The following RPRD1A variants were observed in gnomAD, a reference collection of about 807,000 sequenced individuals.
The protein encoded by RPRD1A is regulation of nuclear pre-mRNA domain containing 1A.
A neutral mutation model predicts 37.8 loss-of-function variants in RPRD1A; 9 were observed. The ratio of observed to expected loss-of-function variants is 0.24; its 90% CI spans 0.14 to 0.42. The LOEUF (loss-of-function observed/expected upper bound fraction) is 0.42, where lower values mean the gene tolerates loss of function less well. Among genes scored for constraint, RPRD1A ranks in the 10% least tolerant of loss-of-function variants. RPRD1A has a pLI of 1.00. For missense variants in RPRD1A, 255 were observed against 371.0 expected, an observed-to-expected ratio of 0.69 and a Z score of 2.57; for synonymous variants, 138 against 139.7, an observed-to-expected ratio of 0.99 and a Z score of 0.08.
At chr18:36,060,845 T>G (rs1226665721) in intron 1 of RPRD1A, among the ~76,000 whole-genome samples, 1 of 151,780 alleles carries the variant, frequency 6.6e-6, no homozygotes, top group Non-Finnish European at 1.5e-5. Context: ...CTAGAAAAAA[T>G]AAGCCCAGCA....
intron 5 of RPRD1A, 29 bp from the exon 6 acceptor site, chr18:36,027,104 T>A (rs759523706): frequency 6.8e-6 from 11 of 1,612,190 alleles, no homozygotes; most frequent in Middle Eastern, 1.6e-4. Context: ...AATAAAATAT[T>A]ATACAACAAA....
At chr18:36,045,650 A>T (rs965262890) in intron 1 of RPRD1A, among the ~76,000 whole-genome samples, 1 of 152,250 alleles carries the variant, frequency 6.6e-6, no homozygotes, top group Non-Finnish European at 1.5e-5. Context: ...AGACTGAAAG[A>T]ATTAGACATT....
intron 1 of RPRD1A, among the ~76,000 whole-genome samples, chr18:36,062,152 C>T (rs933538853): frequency 1.3e-5 from 2 of 150,582 alleles, no homozygotes; most frequent in Admixed American, 6.6e-5. Flanking sequence ...CCCGTCTCTA[C>T]TAAAAATACA....
At position 36,005,067 on chromosome 18, in the gene RPRD1A, C is replaced by T. The variant is rs138101237; in HGVS notation, c.790-11767G>A. 2.7e-4 allele frequency among the ~76,000 whole-genome samples: 41 copies of T among 152,250 alleles called. No homozygotes were observed. In the East Asian group the frequency reaches 7.9e-3, roughly 29 times the overall value. ...CTGTAATCCCAGCGTTTTGGGAGGC[C>T]GAGGCGGGTGGATCACGAGGTCAGG... On this transcript the variant is annotated intron_variant, in intron 6 of 6. Transcript: ENST00000399022.
In RPRD1A at chr18:36,026,998, C is replaced by T. The variant is rs1486201477; in HGVS notation, c.691G>A (p.Ala231Thr). ...TGCTTTCTATCATCTATTTCTGCCG[C>T]CAATCTGCCATTGTAATCTGCCAGC... ...MLLADYNGRL[A>T]AEIDDRKQLT... is the part of the protein sequence containing the mutation. The change falls in exon 6 of 7, where the codon GCG becomes ACG. Residue 231 changes from alanine (A) to threonine (T), a missense_variant. By Grantham distance (58) the Ala-to-Thr change is moderately conservative. Coordinates refer to ENST00000399022, the MANE Select transcript of RPRD1A (RefSeq NM_018170.5). 6.2e-7 allele frequency: 1 copy of T among 1,614,004 alleles called. No homozygotes were observed. Among genetic ancestry groups the T allele is most frequent in the African/African-American group, 1.3e-5 (1 of 75,038 alleles).
chr18:36,065,149 A>C (rs2089002765), intron 1 of RPRD1A, among the ~76,000 whole-genome samples: 1 of 152,224 alleles, frequency 6.6e-6, no homozygotes, highest in African/African-American at 2.4e-5. Context: ...AGTCAGCGAG[A>C]CCAAGAACCC....
At chr18:36,049,275 T>C (rs530775126) in intron 1 of RPRD1A, among the ~76,000 whole-genome samples, 7 of 152,328 alleles carry the variant, frequency 4.6e-5, no homozygotes, top group South Asian at 2.1e-4. Flanking sequence ...TTTAACAAAA[T>C]TGGCCATTTT....
At chr18:36,018,229 CAAGT>C (rs780137559) in intron 6 of RPRD1A, among the ~76,000 whole-genome samples, 44 of 151,476 alleles carry the variant, frequency 2.9e-4, no homozygotes, top group African/African-American at 8.5e-4. Context: ...GATTTAGCTA[CAAGT>C]AAGTTACCAA....
chr18:36,015,854 C>A (rs1203101152), intron 6 of RPRD1A, among the ~76,000 whole-genome samples: 5 of 152,134 alleles, frequency 3.3e-5, no homozygotes, highest in Non-Finnish European at 7.3e-5. Flanking sequence ...AGTTTCAGTT[C>A]TGCAATATGA....
At chr18:36,002,545 A>AT (rs967092467) in intron 6 of RPRD1A, among the ~76,000 whole-genome samples, 1 of 151,918 alleles carries the variant, frequency 6.6e-6, no homozygotes, top group East Asian at 1.9e-4. Flanking sequence ...AGTGTCGGTA[A>AT]TTTTTTTTCC....
intron 6 of RPRD1A, among the ~76,000 whole-genome samples, chr18:36,009,298 C>G (rs1440263127): frequency 2.0e-5 from 3 of 152,108 alleles, no homozygotes; most frequent in Admixed American, 1.3e-4. Flanking sequence ...GGAGAAGATA[C>G]TGCCCTTTTC....
At position 36,014,687 on chromosome 18, in the gene RPRD1A, G is replaced by A. The variant is rs9989582; in HGVS notation, c.789+12213C>T. ...GAACCTGGGAGGCAGAGCTTGCAGTGAGCCGAGATCGCGCCACGGCACTCC... is the reference window on the plus strand; with the variant it reads ...GAACCTGGGAGGCAGAGCTTGCAGTAAGCCGAGATCGCGCCACGGCACTCC... On this transcript the variant is annotated intron_variant, in intron 6 of 6. Coordinates refer to ENST00000399022, the MANE Select transcript of RPRD1A (RefSeq NM_018170.5). Among the ~76,000 whole-genome samples, 671 of 152,282 alleles carry A rather than the reference G, an allele frequency of 4.4e-3. 1 individual carries two copies. The highest frequency in any genetic ancestry group is 0.015 in the African/African-American group (626 of 41,550).
At chr18:36,003,773 G>T (rs1909564783) in intron 6 of RPRD1A, among the ~76,000 whole-genome samples, 1 of 151,962 alleles carries the variant, frequency 6.6e-6, no homozygotes, top group South Asian at 2.1e-4. Context: ...TATCAATAAA[G>T]TCTAAAGTTT....
Position 35,993,178 on chromosome 18 carries a change from A to G in RPRD1A, c.912T>C (p.Phe304=). The G allele has an allele frequency of 1.2e-6, 2 of 1,614,086 alleles. No individual in the cohort carries two copies. Among genetic ancestry groups the G allele is most frequent in the African/African-American group, 1.3e-5 (1 of 75,056 alleles). The change falls in exon 7 of 7, where the codon TTT becomes TTC. Residue 304 remains phenylalanine (F), a synonymous_variant. Coordinates refer to ENST00000399022, the MANE Select transcript of RPRD1A (RefSeq NM_018170.5). ...AATCTTCACTGTAGATGTCTCCCGC[A>G]AAGGGCAGGTGCATGTGGCTGCCAG... ...NVTGSHMHLP[F]AGDIYSED is the part of the protein sequence containing the mutation.
chr18:36,051,718 T>C (rs958651445), intron 1 of RPRD1A, among the ~76,000 whole-genome samples: 2 of 151,198 alleles, frequency 1.3e-5, no homozygotes, highest in Admixed American at 6.6e-5. Flanking sequence ...ATAACAACAG[T>C]TAAAAGTACA....
intron 1 of RPRD1A, among the ~76,000 whole-genome samples, chr18:36,058,396 T>C (rs1158573569): frequency 6.6e-6 from 1 of 152,192 alleles, no homozygotes; most frequent in Admixed American, 6.5e-5. Flanking sequence ...ATGAAAAATT[T>C]ATTTTATCAA....
At chr18:36,050,525 T>TA (rs563829690) in intron 1 of RPRD1A, among the ~76,000 whole-genome samples, 195 of 146,878 alleles carry the variant, frequency 1.3e-3, no homozygotes, top group East Asian at 0.011. Context: ...AGAATATACA[T>TA]AAAAAAAAAA....
At chr18:36,011,318 CA>C (rs1418208309) in intron 6 of RPRD1A, among the ~76,000 whole-genome samples, 2 of 152,206 alleles carry the variant, frequency 1.3e-5, no homozygotes, top group Non-Finnish European at 2.9e-5. Flanking sequence ...CCAGAGTCCC[CA>C]CTCTTCACTA....
intron 1 of RPRD1A, among the ~76,000 whole-genome samples, chr18:36,038,665 AG>A (rs1912369964): frequency 6.6e-6 from 1 of 152,232 alleles, no homozygotes; most frequent in Non-Finnish European, 1.5e-5. Flanking sequence ...TCAGAATGGT[AG>A]ATCCACAGAC....
Sources: gnomAD v4.1 joint callset for allele counts (sites outside exome capture counted in the v4.1 genomes callset) on GRCh38, gnomAD v4.1.1 for gene constraint, MANE v1.5 for transcripts, NCBI Gene and HGNC (gene_info 2026-07-23, HGNC 2026-07-21) for gene names.